Variants in NRG1 observed in about 807,000 individuals in gnomAD.
NRG1 encodes pro-neuregulin-1, membrane-bound isoform.
In NRG1, 18 loss-of-function variants were observed where a neutral mutation model predicts 63.8. That is an observed-to-expected ratio of 0.28 (90% confidence interval 0.19 to 0.42). NRG1 has a LOEUF of 0.42. Among genes scored for constraint, NRG1 ranks in the 10% least tolerant of loss-of-function variants. The pLI is 1.00. For missense variants in NRG1, 762 were observed against 814.7 expected (o/e 0.94, Z 0.79); for synonymous variants, 302 against 301.3 (o/e 1.00, Z -0.02).
intron 1 of NRG1, among the ~76,000 whole-genome samples, chr8:32,407,319 T>TATATA (rs71208179): frequency 1.4e-3 from 5 of 3,644 alleles, no homozygotes; most frequent in Non-Finnish European, 1.7e-3. Context: ...TATATATATA[T>TATATA]TATATATATA....
At chr8:32,472,195 C>G (rs919418153) in intron 1 of NRG1, among the ~76,000 whole-genome samples, 2 of 152,030 alleles carry the variant, frequency 1.3e-5, no homozygotes, top group African/African-American at 4.8e-5. Context: ...TTTTTTGAGA[C>G]AGTCTCACTC....
At chr8:31,878,503 G>A (rs910885849) in intron 1 of NRG1, among the ~76,000 whole-genome samples, 1 of 152,182 alleles carries the variant, frequency 6.6e-6, no homozygotes, top group Admixed American at 6.5e-5. Context: ...TCTAGTACAA[G>A]TAGAATTATG....
At chr8:31,767,646 C>G (rs1201228162) in intron 1 of NRG1, among the ~76,000 whole-genome samples, 1 of 152,146 alleles carries the variant, frequency 6.6e-6, no homozygotes, top group East Asian at 1.9e-4. Context: ...TCCAGACCAG[C>G]TTTCCCAACA....
chr8:32,326,301 C>T (rs1186699140), intron 1 of NRG1, among the ~76,000 whole-genome samples: 1 of 148,798 alleles, frequency 6.7e-6, no homozygotes, highest in Non-Finnish European at 1.5e-5. Context: ...AGCCACTGTG[C>T]CCAGGCTTTT....
intron 1 of NRG1, among the ~76,000 whole-genome samples, chr8:32,027,349 G>T (rs1408040162): frequency 1.3e-5 from 2 of 151,470 alleles, no homozygotes; most frequent in Non-Finnish European, 2.9e-5. Flanking sequence ...AATTGAGCTG[G>T]GTGTCTCTAT....
At chr8:32,743,111 T>C in intron 7 of NRG1, 1 of 1,009,504 alleles carries the variant, frequency 9.9e-7, no homozygotes, top group South Asian at 4.3e-5. Context: ...CTTTATACAA[T>C]GACCACATCC....
intron 7 of NRG1, chr8:32,749,280 T>G (rs1399987056): frequency 1.0e-5 from 5 of 490,644 alleles, no homozygotes; most frequent in Admixed American, 7.6e-5. Flanking sequence ...TAGGGGATAG[T>G]TCAGCGACAG....
At chr8:32,548,423 G>A in exon 1 of NRG1, 3 of 1,119,912 alleles carry the variant, frequency 2.7e-6, no homozygotes, top group South Asian at 4.3e-5. Flanking sequence ...CGGGTTGCGA[G>A]GGCGCCGGGC....
At chr8:32,282,554 C>T (rs535557578) in intron 1 of NRG1, among the ~76,000 whole-genome samples, 2 of 152,296 alleles carry the variant, frequency 1.3e-5, no homozygotes, top group South Asian at 4.1e-4. Context: ...AGGTGGGAGG[C>T]AGGAGGGTAT....
chr8:32,109,449 A>T (rs1831710792), intron 1 of NRG1, among the ~76,000 whole-genome samples: 1 of 152,190 alleles, frequency 6.6e-6, no homozygotes, highest in East Asian at 1.9e-4. Context: ...GCAAATTCAG[A>T]CCCAGCATCA....
At chr8:32,064,769 C>T (rs2130946941) in intron 1 of NRG1, among the ~76,000 whole-genome samples, 1 of 152,000 alleles carries the variant, frequency 6.6e-6, no homozygotes, top group African/African-American at 2.4e-5. Flanking sequence ...CCTTTGACAG[C>T]TCTTAAACCA....
At chr8:32,533,518 T>C (rs1831665607) in intron 1 of NRG1, among the ~76,000 whole-genome samples, 1 of 152,110 alleles carries the variant, frequency 6.6e-6, no homozygotes, top group South Asian at 2.1e-4. Context: ...AACACGCTGT[T>C]TTAGGATCAG....
At chr8:32,594,091 G>A (rs376532322) in intron 1 of NRG1, among the ~76,000 whole-genome samples, 5 of 152,172 alleles carry the variant, frequency 3.3e-5, no homozygotes, top group South Asian at 4.1e-4. Flanking sequence ...TGGAAACTTC[G>A]TATGTTCATT....
At chr8:32,553,467 G>A (rs902882209) in intron 1 of NRG1, among the ~76,000 whole-genome samples, 1 of 152,120 alleles carries the variant, frequency 6.6e-6, no homozygotes, top group African/African-American at 2.4e-5. Context: ...AAGTGGATAA[G>A]AGTGTCAAAT....
intron 1 of NRG1, among the ~76,000 whole-genome samples, chr8:32,092,645 G>A (rs2131285090): frequency 6.6e-6 from 1 of 152,158 alleles, no homozygotes; most frequent in African/African-American, 2.4e-5. Flanking sequence ...ACATCTGGGA[G>A]TTGTAATTTT....
At chr8:31,951,618 G>C (rs186552016) in intron 1 of NRG1, among the ~76,000 whole-genome samples, 2 of 152,272 alleles carry the variant, frequency 1.3e-5, no homozygotes, top group Admixed American at 1.3e-4. Context: ...CTGAGGAAAT[G>C]CAAGCAGTGT....
At chr8:32,162,884 C>T (rs763377665) in intron 1 of NRG1, among the ~76,000 whole-genome samples, 14 of 152,120 alleles carry the variant, frequency 9.2e-5, no homozygotes, top group Admixed American at 2.0e-4. Flanking sequence ...ACTTCATTCC[C>T]ATCGAGGGGT....
At chr8:32,292,921 T>C (rs1023701519) in intron 1 of NRG1, among the ~76,000 whole-genome samples, 1 of 152,022 alleles carries the variant, frequency 6.6e-6, no homozygotes, top group African/African-American at 2.4e-5. Context: ...CTGACCAATA[T>C]GGTGAAACCC....
intron 1 of NRG1, among the ~76,000 whole-genome samples, chr8:32,297,008 C>T (rs755435011): frequency 1.8e-4 from 28 of 151,690 alleles, no homozygotes; most frequent in Admixed American, 9.2e-4. Flanking sequence ...CCAACTACTC[C>T]GGAAGCTGAG....
Sources: allele counts gnomAD v4.1 joint callset (sites outside exome capture counted in the v4.1 genomes callset), GRCh38; gene constraint gnomAD v4.1.1; transcripts MANE v1.5; gene names NCBI Gene and HGNC (gene_info 2026-07-23, HGNC 2026-07-21).